The following ECE1 variants were observed in gnomAD, a reference collection of about 807,000 sequenced individuals.
ECE1 encodes endothelin converting enzyme 1, also known as endothelin-converting enzyme 1.
In ECE1, 35 loss-of-function variants were observed where a neutral mutation model predicts 98.6. The ratio of observed to expected loss-of-function variants is 0.35; its 90% CI spans 0.27 to 0.47. The LOEUF (loss-of-function observed/expected upper bound fraction) is 0.47. ECE1 is among the 20% of genes least tolerant of loss of function. ECE1 has a pLI of 1.00. For synonymous variants in ECE1, 394 were observed against 407.1 expected, an observed-to-expected ratio of 0.97 and a Z score of 0.39; for missense variants, 814 against 1,025.3, an observed-to-expected ratio of 0.79 and a Z score of 2.81.
chr1:21,304,315 CAAAAAAAAA>C (rs71014183), intron 1 of ECE1, among the ~76,000 whole-genome samples: 12 of 48,626 alleles, frequency 2.5e-4, no homozygotes, highest in African/African-American at 6.1e-4. Flanking sequence ...GACTCCCTCT[CAAAAAAAAA>C]AAAAAAAAAA....
At chr1:21,221,691 G>T in intron 18 of ECE1, 56 bp downstream of exon 18, 1 of 1,581,902 alleles carries the variant, frequency 6.3e-7, no homozygotes, top group Non-Finnish European at 8.7e-7. Flanking sequence ...CTGGGCTCTT[G>T]AAACATCAAG....
At chr1:21,317,807 A>C (rs970875664) in intron 1 of ECE1, among the ~76,000 whole-genome samples, 1 of 152,192 alleles carries the variant, frequency 6.6e-6, no homozygotes, top group African/African-American at 2.4e-5. Flanking sequence ...CAGGGCAGTC[A>C]AGAGCTGTGC....
chr1:21,286,890 T>C (rs1483382158), intron 2 of ECE1, among the ~76,000 whole-genome samples: 1 of 149,468 alleles, frequency 6.7e-6, no homozygotes, highest in Non-Finnish European at 1.5e-5. Context: ...CACTCCAGCC[T>C]GGCCAACAGA....
chr1:21,332,397 T>C (rs1398649759), intron 1 of ECE1, among the ~76,000 whole-genome samples: 1 of 151,740 alleles, frequency 6.6e-6, no homozygotes, highest in East Asian at 2.0e-4. Flanking sequence ...ATCCTGGCAC[T>C]TTACAAGAAT....
intron 1 of ECE1, among the ~76,000 whole-genome samples, chr1:21,335,754 G>A (rs1558438672): frequency 6.6e-6 from 1 of 152,216 alleles, no homozygotes. Context: ...AGACCCTGGG[G>A]GTGAAGAGGC....
intron 4 of ECE1, among the ~76,000 whole-genome samples, chr1:21,268,432 C>G (rs781718534): frequency 1.3e-5 from 2 of 152,260 alleles, no homozygotes; most frequent in African/African-American, 2.4e-5. Context: ...AGCTGGCAGA[C>G]TGCCAGGTCA....
chr1:21,327,847 G>A lies in ECE1; in HGVS notation c.3+17529C>T, dbSNP rs1008275529. Among the ~76,000 whole-genome samples the A allele has an allele frequency of 6.6e-6, 1 of 152,296 alleles. No individual in the cohort carries two copies. Among genetic ancestry groups the A allele is most frequent in the Non-Finnish European group, 1.5e-5 (1 of 68,040 alleles). On this transcript the variant is annotated intron_variant, in intron 1 of 18. Transcript: ENST00000415912. This position sits in a 1 kb window ranked among gnomAD's most constrained non-coding sequence, Gnocchi z 4.6. ...GAGCTCTGCCTTCGGTCAGATCAGCGGTGGCATTAGATTCTCGTAGGAGCG... is the reference window on the plus strand; with the variant it reads ...GAGCTCTGCCTTCGGTCAGATCAGCAGTGGCATTAGATTCTCGTAGGAGCG...
chr1:21,288,061 T>C (rs1308140909), intron 2 of ECE1, among the ~76,000 whole-genome samples: 1 of 152,136 alleles, frequency 6.6e-6, no homozygotes, highest in East Asian at 1.9e-4. Flanking sequence ...AAGCACTGGC[T>C]ACTTCATGTT....
intron 10 of ECE1, among the ~76,000 whole-genome samples, chr1:21,243,308 C>G (rs994160829): frequency 3.9e-5 from 6 of 151,926 alleles, no homozygotes; most frequent in Non-Finnish European, 8.8e-5. Context: ...AAGTGAGTAG[C>G]TGAAAGTGCC....
At chr1:21,292,499 T>G (rs944375684), upstream of ECE1, among the ~76,000 whole-genome samples, 5 of 152,198 alleles carry the variant, frequency 3.3e-5, no homozygotes, top group Non-Finnish European at 7.3e-5. Context: ...CCCCAAATTC[T>G]CTGTTACAGC....
Position 21,345,439 on chromosome 1 carries a change from T to G in ECE1, c.-61A>C, listed in dbSNP as rs2103424869. The stretch of plus-strand genomic sequence containing the variant: ...CCGCGCCCGGCTCCCGATTCCCAGC[T>G]CCGGGTTCCCTGCTCCCAGCCCAGC... On this transcript the variant is annotated 5_prime_UTR_variant, in exon 1 of 19. Transcript: ENST00000415912. This position sits in a 1 kb window ranked among gnomAD's most constrained non-coding sequence, Gnocchi z 5.1. 7.7e-7 allele frequency: 1 copy of G among 1,294,250 alleles called. No homozygotes were observed. The highest frequency in any genetic ancestry group is 9.9e-7 in the Non-Finnish European group (1 of 1,007,564). 80.2% of individuals were successfully genotyped at this position (1,294,250 alleles called of 1,614,324 possible). A position where few individuals can be genotyped will look rare whatever the true frequency, so the allele number is the denominator to read the frequency against.
At position 21,290,406 on chromosome 1, in the gene ECE1, GC is replaced by G. The variant is rs1488032275; in HGVS notation, c.8del (p.Gly3AlafsTer45). The stretch of plus-strand genomic sequence containing the variant: ...GGGCGGACACCGGGGGCGGCCACAC[GC>G]CCCGCATGCTGTGCCCCAGACGCCT... MR[G>X]VWPPPVSALL... On this transcript the variant is annotated frameshift_variant, in exon 1 of 19. Coordinates refer to ENST00000374893, the MANE Select transcript of ECE1 (RefSeq NM_001397.3). LOFTEE classifies it high-confidence loss of function. The surrounding 1 kb of genome is among the most constrained non-coding windows in gnomAD (Gnocchi z 7.3). The G allele has an allele frequency of 1.2e-5, 14 of 1,199,970 alleles. No homozygotes were observed. The highest frequency in any genetic ancestry group is 3.9e-5 in the South Asian group (1 of 25,328). The allele number at this position is 1,199,970 out of a possible 1,614,324, so 74.3% of individuals were successfully genotyped here. A position where few individuals can be genotyped will look rare whatever the true frequency, so the allele number is the denominator to read the frequency against.
chr1:21,305,372 A>G (rs1167738880), intron 1 of ECE1, among the ~76,000 whole-genome samples: 1 of 152,238 alleles, frequency 6.6e-6, no homozygotes, highest in African/African-American at 2.4e-5. Context: ...GAATGAATGA[A>G]TGAAGGCAAA....
chr1:21,326,310 T>TCACTGAGTAGTAGTGTCA (rs1049361360), intron 1 of ECE1, among the ~76,000 whole-genome samples: 30 of 151,856 alleles, frequency 2.0e-4, no homozygotes, highest in Middle Eastern at 6.8e-3. Context: ...GTGCCTACTG[T>TCACTGAGTAGTAGTGTCA]GTGTCAAGCT....
Position 21,304,315 on chromosome 1 carries a change from CAAAAAAAAAAAAAAAA to C in ECE1, c.4-14175_4-14160del, listed in dbSNP as rs71014183. On this transcript the variant is annotated intron_variant, in intron 1 of 18. Transcript: ENST00000415912. Reference sequence around the variant, plus strand: ...TGGGCAACAGAGCGAGACTCCCTCTCAAAAAAAAAAAAAAAAAAAAAAAAAAAAGATACGCCAATGC... The same window carrying C: ...TGGGCAACAGAGCGAGACTCCCTCTCAAAAAAAAAAAAGATACGCCAATGC... 6.2e-5 allele frequency among the ~76,000 whole-genome samples: 3 copies of C among 48,640 alleles called. No homozygotes were observed. In the Admixed American group the frequency reaches 7.7e-4, roughly 13 times the overall value. The allele number at this position is 48,640 out of a possible 152,430, so 31.9% of individuals were successfully genotyped here. A position where few individuals can be genotyped will look rare whatever the true frequency, so the allele number is the denominator to read the frequency against.
chr1:21,226,422 T>C lies in ECE1; in HGVS notation c.1849+737A>G, dbSNP rs142686473. 3.0e-3 allele frequency among the ~76,000 whole-genome samples: 462 copies of C among 152,246 alleles called. 3 individuals carry two copies. The highest frequency in any genetic ancestry group is 0.011 in the African/African-American group (446 of 41,544). On this transcript the variant is annotated intron_variant, in intron 16 of 18. Coordinates refer to ENST00000374893, the MANE Select transcript of ECE1 (RefSeq NM_001397.3). Reference sequence around the variant, plus strand: ...GAGAAATGACAGCGCTTGCTAAACTTCATATAATCGGCAGGTGGCAGAGCA... The same window carrying C: ...GAGAAATGACAGCGCTTGCTAAACTCCATATAATCGGCAGGTGGCAGAGCA...
intron 2 of ECE1, among the ~76,000 whole-genome samples, chr1:21,287,802 G>T (rs2098262297): frequency 6.6e-6 from 1 of 152,322 alleles, no homozygotes; most frequent in South Asian, 2.1e-4. Flanking sequence ...TGTATTTACA[G>T]TGAGCTCAAC....
At chr1:21,332,138 T>C (rs1639211984) in intron 1 of ECE1, among the ~76,000 whole-genome samples, 1 of 152,126 alleles carries the variant, frequency 6.6e-6, no homozygotes, top group Admixed American at 6.5e-5. Flanking sequence ...GTGGGAAATA[T>C]CTGCCAGACA....
At chr1:21,244,234 C>T (rs147382395) in intron 10 of ECE1, among the ~76,000 whole-genome samples, 1 of 152,144 alleles carries the variant, frequency 6.6e-6, no homozygotes, top group Non-Finnish European at 1.5e-5. Context: ...GGGGCCCGAG[C>T]GTGATGTATC....
Sources: allele counts gnomAD v4.1 joint callset (sites outside exome capture counted in the v4.1 genomes callset), GRCh38; gene constraint gnomAD v4.1.1; non-coding constraint Gnocchi (gnomAD v3.1); transcripts MANE v1.5; gene names NCBI Gene and HGNC (gene_info 2026-07-23, HGNC 2026-07-21).